Variants in PRKG1 observed in about 807,000 individuals in gnomAD.
The protein encoded by PRKG1 is cGMP-dependent protein kinase 1.
Under a neutral mutation model 88.1 loss-of-function variants are expected in PRKG1, and 35 were observed. The observed-to-expected ratio is 0.40, with a 90% CI of 0.30 to 0.53. The LOEUF (loss-of-function observed/expected upper bound fraction) is 0.53. Among genes scored for constraint, PRKG1 ranks in the 20% least tolerant of loss-of-function variants. PRKG1 has a pLI of 0.59. For synonymous variants in PRKG1, 303 were observed against 292.5 expected (o/e 1.04, Z -0.37); for missense variants, 540 against 839.8 (o/e 0.64, Z 4.41).
chr10:51,192,683 T>C (rs1400556726), intron 2 of PRKG1, among the ~76,000 whole-genome samples: 1 of 152,106 alleles, frequency 6.6e-6, no homozygotes, highest in East Asian at 1.9e-4. Context: ...AGGAAATGTT[T>C]ATTAACCCAA....
intron 3 of PRKG1, among the ~76,000 whole-genome samples, chr10:51,586,176 G>A (rs893676401): frequency 6.6e-5 from 10 of 152,164 alleles, no homozygotes; most frequent in African/African-American, 2.4e-4. Flanking sequence ...GACAGGTGAT[G>A]TTGGCATTGT....
chr10:52,145,099 G>A (rs1837695456), intron 8 of PRKG1, among the ~76,000 whole-genome samples: 2 of 152,248 alleles, frequency 1.3e-5, no homozygotes, highest in South Asian at 4.1e-4. Flanking sequence ...AGTTAGAAAT[G>A]TGAGTTTTGT....
rs78714991 is a variant in PRKG1 at position 51,508,820 on chromosome 10, T to C, written c.592+40984T>C. On this transcript the variant is annotated intron_variant, in intron 3 of 17. Transcript: ENST00000373980. ...CAAATTAGAAGGCATTTAATCTACC[T>C]TGTATAAAAGTGGAAGCAATAGAAG... 5.7e-3 allele frequency among the ~76,000 whole-genome samples: 873 copies of C among 152,322 alleles called. 3 individuals are homozygous for C. The highest frequency in any genetic ancestry group is 0.014 in the Middle Eastern group (4 of 294).
At chr10:51,138,675 GTTTTTTTTTT>G (rs71459405) in intron 1 of PRKG1, among the ~76,000 whole-genome samples, 1 of 68,490 alleles carries the variant, frequency 1.5e-5, no homozygotes, top group South Asian at 6.0e-4. Flanking sequence ...ATTGAGTTTT[GTTTTTTTTTT>G]TTTTTTTTTT....
chr10:51,622,593 A>G (rs140257952), intron 3 of PRKG1, among the ~76,000 whole-genome samples: 13 of 152,190 alleles, frequency 8.5e-5, no homozygotes, highest in African/African-American at 3.1e-4. Context: ...TGGGAATGAG[A>G]TACTTTGTTT....
chr10:52,172,765 G>A (rs1027522990), intron 9 of PRKG1, among the ~76,000 whole-genome samples: 3 of 152,178 alleles, frequency 2.0e-5, no homozygotes, highest in Non-Finnish European at 4.4e-5. Flanking sequence ...GTGAGTGAGA[G>A]CAAGGCTAGA....
chr10:51,452,496 C>T (rs1839465332), intron 2 of PRKG1, among the ~76,000 whole-genome samples: 1 of 151,834 alleles, frequency 6.6e-6, no homozygotes, highest in Non-Finnish European at 1.5e-5. Flanking sequence ...AGGTTTTAAT[C>T]ATAAAGGAAT....
chr10:51,806,389 C>T (rs78614858), intron 4 of PRKG1, among the ~76,000 whole-genome samples: 2,649 of 152,114 alleles, frequency 0.017, 48 homozygotes, highest in African/African-American at 0.039. Flanking sequence ...TCTGTGCATA[C>T]GCACGTGTGT....
chr10:51,573,144 T>A (rs1009327717), intron 3 of PRKG1, among the ~76,000 whole-genome samples: 1 of 151,740 alleles, frequency 6.6e-6, no homozygotes, highest in Non-Finnish European at 1.5e-5. Context: ...TTGAAATGAG[T>A]CAATCCTATA....
chr10:51,193,061 C>G (rs980594768), intron 2 of PRKG1, among the ~76,000 whole-genome samples: 1 of 152,010 alleles, frequency 6.6e-6, no homozygotes. Context: ...TAGCTGAGAT[C>G]ATGGAATCTT....
chr10:51,089,984 C>T, intron 1 of PRKG1, among the ~76,000 whole-genome samples: 1 of 152,118 alleles, frequency 6.6e-6, no homozygotes, highest in East Asian at 1.9e-4. Flanking sequence ...ATGGAAATTA[C>T]AGTAGGTAAG....
At chr10:51,457,226 C>T (rs999467364) in intron 2 of PRKG1, among the ~76,000 whole-genome samples, 2 of 152,170 alleles carry the variant, frequency 1.3e-5, no homozygotes, top group Non-Finnish European at 2.9e-5. Context: ...TATATATACA[C>T]TATGGGTTAC....
intron 5 of PRKG1, among the ~76,000 whole-genome samples, chr10:52,004,201 A>T (rs1280624930): frequency 6.6e-6 from 1 of 152,166 alleles, no homozygotes; most frequent in Non-Finnish European, 1.5e-5. Flanking sequence ...TTTTGGCTGT[A>T]AACTCCGGGA....
intron 5 of PRKG1, among the ~76,000 whole-genome samples, chr10:52,036,042 C>T (rs11598561): frequency 0.16 from 23,798 of 151,902 alleles, 2,088 homozygotes; most frequent in Admixed American, 0.24. Context: ...AGGGAGAGCA[C>T]GTGTGTTTTT....
At chr10:51,244,096 G>A (rs1839224640) in intron 2 of PRKG1, among the ~76,000 whole-genome samples, 1 of 151,984 alleles carries the variant, frequency 6.6e-6, no homozygotes, top group Non-Finnish European at 1.5e-5. Flanking sequence ...TCTTATTTGA[G>A]CACATATAAA....
intron 2 of PRKG1, among the ~76,000 whole-genome samples, chr10:51,318,491 GTAAGAATAAA>G (rs1341470078): frequency 6.6e-6 from 1 of 152,152 alleles, no homozygotes; most frequent in Non-Finnish European, 1.5e-5. Context: ...TTAAGATTAT[GTAAGAATAAA>G]TAAGTATAAG....
chr10:51,954,475 A>G (rs890031022), intron 5 of PRKG1, among the ~76,000 whole-genome samples: 3 of 152,182 alleles, frequency 2.0e-5, no homozygotes, highest in Non-Finnish European at 4.4e-5. Flanking sequence ...AAAAATTTGT[A>G]CTTTCCTATA....
chr10:51,424,362 C>G (rs1039247033), intron 2 of PRKG1, among the ~76,000 whole-genome samples: 1 of 151,622 alleles, frequency 6.6e-6, no homozygotes, highest in Non-Finnish European at 1.5e-5. Context: ...AATATGATAC[C>G]TTTCCAATAT....
At chr10:51,858,025 A>G in intron 4 of PRKG1, among the ~76,000 whole-genome samples, 1 of 141,348 alleles carries the variant, frequency 7.1e-6, no homozygotes, top group Admixed American at 8.0e-5. Context: ...TAAAGGCAGG[A>G]AAATCCAGAT....
Sources: allele counts gnomAD v4.1 joint callset (sites outside exome capture counted in the v4.1 genomes callset), GRCh38; gene constraint gnomAD v4.1.1; transcripts MANE v1.5; gene names NCBI Gene and HGNC (gene_info 2026-07-23, HGNC 2026-07-21).